TNFAIP8: variants seen among roughly 807,000 people sequenced by gnomAD.
TNFAIP8 encodes TNF alpha induced protein 8, also known as tumor necrosis factor alpha-induced protein 8.
In TNFAIP8, 7 loss-of-function variants were observed where a neutral mutation model predicts 13.3. That is an observed-to-expected ratio of 0.52 (90% CI 0.30 to 0.99). The LOEUF (loss-of-function observed/expected upper bound fraction) is 0.99. TNFAIP8 is among the 50% of genes least tolerant of loss of function. The probability of loss-of-function intolerance (pLI) is 0.07; values close to 1 mark genes in which losing one functional copy is unlikely to be tolerated. For missense variants in TNFAIP8, 258 were observed against 236.9 expected (o/e 1.09, Z -0.58); for synonymous variants, 94 against 87.6 (o/e 1.07, Z -0.41).
At chr5:119,324,730 C>G (rs1051297869) in intron 1 of TNFAIP8, among the ~76,000 whole-genome samples, 3 of 150,338 alleles carry the variant, frequency 2.0e-5, no homozygotes, top group African/African-American at 7.3e-5. Flanking sequence ...ACAATTTGAC[C>G]AATAAAAAAA....
At chr5:119,293,660 T>C (rs1749066459) in intron 1 of TNFAIP8, among the ~76,000 whole-genome samples, 1 of 152,222 alleles carries the variant, frequency 6.6e-6, no homozygotes. Context: ...CTAAAAATCA[T>C]TTAATTGTAC....
intron 1 of TNFAIP8, among the ~76,000 whole-genome samples, chr5:119,302,058 A>G (rs1408609437): frequency 6.6e-6 from 1 of 152,230 alleles, no homozygotes; most frequent in East Asian, 1.9e-4. Context: ...TAGTTGTTTC[A>G]GTCCCCATCT....
At chr5:119,374,969 T>G (rs1752229064) in intron 1 of TNFAIP8, among the ~76,000 whole-genome samples, 1 of 152,186 alleles carries the variant, frequency 6.6e-6, no homozygotes, top group Admixed American at 6.5e-5. Context: ...TGGTAATAGT[T>G]GCACAACATT....
intron 1 of TNFAIP8, among the ~76,000 whole-genome samples, chr5:119,328,338 G>A (rs913735987): frequency 5.4e-5 from 8 of 149,038 alleles, no homozygotes; most frequent in South Asian, 2.1e-4. Flanking sequence ...AACTTACTTC[G>A]CAAAAAAAAT....
intron 1 of TNFAIP8, among the ~76,000 whole-genome samples, chr5:119,326,192 ATG>A (rs1278132513): frequency 6.6e-6 from 1 of 152,160 alleles, no homozygotes; most frequent in Non-Finnish European, 1.5e-5. Flanking sequence ...TCGTTTAGGA[ATG>A]TGTGGTGTAA....
intron 1 of TNFAIP8, among the ~76,000 whole-genome samples, chr5:119,379,602 T>C (rs1259581570): frequency 2.6e-5 from 4 of 152,150 alleles, no homozygotes; most frequent in Non-Finnish European, 5.9e-5. Context: ...TTTTATTTGA[T>C]TTGATTTGAG....
chr5:119,274,503 T>C (rs1748381842), intron 1 of TNFAIP8, among the ~76,000 whole-genome samples: 1 of 152,244 alleles, frequency 6.6e-6, no homozygotes, highest in South Asian at 2.1e-4. Context: ...TCATGAGGTA[T>C]ACCTGGAAGA....
upstream of TNFAIP8, among the ~76,000 whole-genome samples, chr5:119,352,812 T>C (rs957172118): frequency 1.3e-5 from 2 of 151,136 alleles, no homozygotes; most frequent in Non-Finnish European, 2.9e-5. Context: ...AAACCTTCCT[T>C]AGAACCAAGG....
At chr5:119,291,961 A>G (rs1183171085) in intron 1 of TNFAIP8, among the ~76,000 whole-genome samples, 2 of 152,222 alleles carry the variant, frequency 1.3e-5, no homozygotes, top group African/African-American at 2.4e-5. Flanking sequence ...TAGAAAGCAG[A>G]TGAAGTGATG....
At chr5:119,296,604 G>C (rs898352638) in intron 1 of TNFAIP8, among the ~76,000 whole-genome samples, 4 of 152,108 alleles carry the variant, frequency 2.6e-5, no homozygotes, top group Non-Finnish European at 4.4e-5. Context: ...GGTTGTGCCT[G>C]TGCCCGGCTT....
intron 1 of TNFAIP8, among the ~76,000 whole-genome samples, chr5:119,269,452 ATG>A (rs1301676518): frequency 6.6e-6 from 1 of 151,392 alleles, no homozygotes; most frequent in South Asian, 2.1e-4. Flanking sequence ...GTGTGTGTGT[ATG>A]TGTGTGTGTG....
chr5:119,350,438 C>G (rs759081453), intron 1 of TNFAIP8, among the ~76,000 whole-genome samples: 9 of 152,170 alleles, frequency 5.9e-5, no homozygotes, highest in Non-Finnish European at 1.3e-4. Context: ...GGTCTTGGAA[C>G]CAATCTCCCA....
At chr5:119,352,153 A>G (rs554218783), upstream of TNFAIP8, among the ~76,000 whole-genome samples, 85 of 152,256 alleles carry the variant, frequency 5.6e-4, 4 homozygotes, top group South Asian at 0.017. Flanking sequence ...CCATGGAGAG[A>G]TACCCACTTA....
At chr5:119,302,111 T>C (rs547466054) in intron 1 of TNFAIP8, among the ~76,000 whole-genome samples, 73 of 152,330 alleles carry the variant, frequency 4.8e-4, no homozygotes, top group Middle Eastern at 6.8e-3. Flanking sequence ...TCACCAGATA[T>C]TTTGAATCAT....
rs1397969832 is a variant in TNFAIP8 at position 119,392,894 on chromosome 5, C to G, written c.110C>G (p.Ser37Cys). The G allele has an allele frequency of 6.3e-7, 1 of 1,586,902 alleles. No homozygotes were observed. Among genetic ancestry groups the G allele is most frequent in the Non-Finnish European group, 8.6e-7 (1 of 1,166,546 alleles). The change falls in exon 2 of 2, where the codon TCC becomes TGC. Residue 37 changes from serine to cysteine, a missense_variant. By Grantham distance (112) the Ser-to-Cys change is moderately radical (BLOSUM62 -1). Transcript: ENST00000504771. The stretch of plus-strand genomic sequence containing the variant: ...ATCTTGGGTAAAATGGTGTCCAAAT[C>G]CATCGCCACCACCTTAATAGACGAC... ...KKILGKMVSK[S>C]IATTLIDDTS...
At chr5:119,317,357 G>A (rs1749929525) in intron 1 of TNFAIP8, among the ~76,000 whole-genome samples, 1 of 151,986 alleles carries the variant, frequency 6.6e-6, no homozygotes, top group East Asian at 1.9e-4. Context: ...TAAAATTACA[G>A]AATGAACCAT....
rs78460936 is a variant in TNFAIP8, at chr5:119,287,382, T to C, written c.1+18475T>C. On this transcript the variant is annotated intron_variant, in intron 1 of 1. Transcript: ENST00000274456. The stretch of plus-strand genomic sequence containing the variant: ...CAAGGGGTAGAATGTGATGATTTGA[T>C]GTGTAATGATTACCACAGTCAAGTT... Among the ~76,000 whole-genome samples the C allele has an allele frequency of 6.8e-3, 1,029 of 151,584 alleles. 19 individuals are homozygous for C. The East Asian group carries it at 0.075, about 11-fold the overall frequency.
At chr5:119,295,673 A>G (rs1302677773) in intron 1 of TNFAIP8, among the ~76,000 whole-genome samples, 2 of 152,160 alleles carry the variant, frequency 1.3e-5, no homozygotes, top group East Asian at 1.9e-4. Context: ...GAAGAAAGTC[A>G]TTGCTAGCTT....
intron 1 of TNFAIP8, among the ~76,000 whole-genome samples, chr5:119,323,042 A>T (rs1399010517): frequency 6.6e-6 from 1 of 152,142 alleles, no homozygotes; most frequent in Non-Finnish European, 1.5e-5. Context: ...ATCAGTTGTC[A>T]GTATAGTCAG....
Sources: gnomAD v4.1 joint callset for allele counts (sites outside exome capture counted in the v4.1 genomes callset) on GRCh38, gnomAD v4.1.1 for gene constraint, MANE v1.5 for transcripts, NCBI Gene and HGNC (gene_info 2026-07-23, HGNC 2026-07-21) for gene names.